SPATC1L: variants seen among roughly 807,000 people sequenced by gnomAD.
SPATC1L encodes the protein speriolin-like protein.
In SPATC1L, 20 loss-of-function variants were observed where a neutral mutation model predicts 21.2. The ratio of observed to expected loss-of-function variants is 0.94; its 90% CI spans 0.66 to 1.37. The LOEUF (loss-of-function observed/expected upper bound fraction) is 1.37. SPATC1L is among the 40% of genes most tolerant of loss of function. The pLI is 0.00. For missense variants in SPATC1L, 499 were observed against 478.7 expected, an observed-to-expected ratio of 1.04 and a Z score of -0.40; for synonymous variants, 290 against 234.5, an observed-to-expected ratio of 1.24 and a Z score of -2.16.
chr21:46,175,611 T>C (rs989405759), intron 2 of SPATC1L, among the ~76,000 whole-genome samples: 17 of 152,028 alleles, frequency 1.1e-4, no homozygotes, highest in Non-Finnish European at 2.2e-4. Flanking sequence ...GAACTAGGAA[T>C]AAATGGAATC....
chr21:46,163,884 C>A (rs1376936409), intron 3 of SPATC1L, among the ~76,000 whole-genome samples: 1 of 152,182 alleles, frequency 6.6e-6, no homozygotes, highest in Non-Finnish European at 1.5e-5. Flanking sequence ...CACTAGGATT[C>A]TGATTGGGAT....
Position 46,161,682 on chromosome 21 carries a change from G to A in SPATC1L, c.720C>T (p.Gly240=). The A allele has an allele frequency of 1.9e-6, 3 of 1,604,230 alleles. No homozygotes were observed. The highest frequency in any genetic ancestry group is 4.5e-5 in the East Asian group (2 of 44,638). The change falls in exon 5 of 5, where the codon GGC becomes GGT. Residue 240 remains glycine, a synonymous_variant. Transcript: ENST00000291672. ...IEQTSTKSLD[G]SVDERKLREL... ...CGCGCAGCTTCCTCTCGTCCACGGA[G>A]CCGTCCAGAGACTTGGTGGAGGTCT...
At chr21:46,178,309 G>A (rs11909847) in intron 2 of SPATC1L, among the ~76,000 whole-genome samples, 40,856 of 148,792 alleles carry the variant, frequency 0.27, 6,841 homozygotes, top group African/African-American at 0.46. Flanking sequence ...GGAGGCTATT[G>A]TCCTCAGCAA....
Position 46,172,100 on chromosome 21 carries a change from G to GAGCAT in SPATC1L, c.194-3443_194-3442insATGCT, listed in dbSNP as rs1455552658. On this transcript the variant is annotated intron_variant, in intron 2 of 4. Transcript: ENST00000291672. Reference sequence around the variant, plus strand: ...CGGGGGATGCACAGAGCATGAGGCAGGAGTGCAGAGCATGAGGCGGGGGAT... The same window carrying GAGCAT: ...CGGGGGATGCACAGAGCATGAGGCAGAGCATGAGTGCAGAGCATGAGGCGGGGGAT... Among the ~76,000 whole-genome samples the GAGCAT allele has an allele frequency of 1.5e-3, 95 of 64,698 alleles. 23 individuals carry two copies. The highest frequency in any genetic ancestry group is 2.6e-3 in the Non-Finnish European group (67 of 25,476). 42.4% of individuals were successfully genotyped at this position (64,698 alleles called of 152,430 possible).
chr21:46,168,565 A>G lies in SPATC1L; in HGVS notation c.287T>C (p.Leu96Pro). ...LEDLLCSHAP[L>P]SSEDDTSPGC... ...CGGGGAGGTGTCGTCCTCGCTGGAC[A>G]GGGGGGCATGTGAGCACAGCAGGTC... Residue 96 changes from leucine to proline, a missense_variant, in exon 3 of 5, where the codon CTG becomes CCG. Physicochemically the swap from Leu to Pro is moderately conservative, Grantham distance 98 (BLOSUM62 -3). Coordinates refer to ENST00000291672, the MANE Select transcript of SPATC1L (RefSeq NM_001142854.2). The G allele has an allele frequency of 6.7e-7, 1 of 1,486,006 alleles. No homozygotes were observed. The highest frequency in any genetic ancestry group is 9.1e-7 in the Non-Finnish European group (1 of 1,103,150). The allele number at this position is 1,486,006 out of a possible 1,614,324, so 92.1% of individuals were successfully genotyped here.
At chr21:46,166,336 A>G (rs2123623954) in intron 3 of SPATC1L, among the ~76,000 whole-genome samples, 1 of 152,064 alleles carries the variant, frequency 6.6e-6, no homozygotes, top group East Asian at 1.9e-4. Flanking sequence ...ACTGCACTCC[A>G]GCCTGGGCAT....
rs372429503 is a variant in SPATC1L at position 46,161,923 on chromosome 21, A to G, written c.689T>C (p.Ile230Thr). The change falls in exon 4 of 5, where the codon ATC becomes ACC. Residue 230 changes from isoleucine to threonine, a missense_variant. By Grantham distance (89) the Ile-to-Thr change is moderately conservative. Transcript: ENST00000291672. Reference protein sequence around the residue: ...GFTVANIPEKIEQTSTKSLDG... With the variant: ...GFTVANIPEKTEQTSTKSLDG... ...CCTCCCCACGGGGCGCACCTGCTCG[A>G]TCTTCTCGGGGATGTTGGCCACCGT... 42 of 1,606,310 alleles carry G rather than the reference A, an allele frequency of 2.6e-5. No individual in the cohort carries two copies. The highest frequency in any genetic ancestry group is 3.4e-5 in the Non-Finnish European group (40 of 1,179,282).
intron 2 of SPATC1L, among the ~76,000 whole-genome samples, chr21:46,170,456 G>A (rs11702355): frequency 0.14 from 3,218 of 22,254 alleles, no homozygotes; most frequent in Admixed American, 0.24. Flanking sequence ...TGCTCTGTGA[G>A]CATCCTCTGT....
chr21:46,184,261 G>A (rs922585195), intron 1 of SPATC1L, 95 bp downstream of exon 1: 1 of 153,374 alleles, frequency 6.5e-6, no homozygotes, highest in Admixed American at 6.5e-5. Context: ...GCGGCTCATG[G>A]GGCCCTGCTA....
intron 4 of SPATC1L, 103 bp from the exon 5 acceptor site, chr21:46,161,808 G>C (rs1176200350): frequency 6.7e-6 from 10 of 1,503,036 alleles, no homozygotes; most frequent in Non-Finnish European, 8.9e-6. Flanking sequence ...GGTCCCCGGG[G>C]TCCCCTCCTG....
rs1401454775 is a variant in SPATC1L at position 46,161,367 on chromosome 21, G to A, written c.*12C>T. On this transcript the variant is annotated 3_prime_UTR_variant, in exon 5 of 5. Coordinates refer to ENST00000291672, the MANE Select transcript of SPATC1L (RefSeq NM_001142854.2). ...GCGTTTACTGCAGGCAAGGCGGCGG[G>A]CGCGGGGCGGCTCACCAGGCGAAGA... 5.3e-6 allele frequency: 8 copies of A among 1,502,986 alleles called. No individual in the cohort carries two copies. In the African/African-American group the frequency reaches 7.0e-5, roughly 13 times the overall value. 93.1% of individuals were successfully genotyped at this position (1,502,986 alleles called of 1,614,324 possible).
At chr21:46,181,093 G>A (rs1299864223) in intron 2 of SPATC1L, among the ~76,000 whole-genome samples, 1 of 152,224 alleles carries the variant, frequency 6.6e-6, no homozygotes, top group African/African-American at 2.4e-5. Context: ...CCTTCTTGAG[G>A]AGGAGGACAG....
intron 3 of SPATC1L, among the ~76,000 whole-genome samples, chr21:46,164,446 T>A (rs531533642): frequency 1.4e-4 from 21 of 152,232 alleles, no homozygotes; most frequent in South Asian, 6.2e-4. Flanking sequence ...ATGAGGGGTG[T>A]GGAAGAGCAG....
chr21:46,164,746 C>G (rs1256413299), intron 3 of SPATC1L, among the ~76,000 whole-genome samples: 1 of 147,710 alleles, frequency 6.8e-6, no homozygotes, highest in Non-Finnish European at 1.5e-5. Context: ...GAGCCGAGAT[C>G]GCACCACTGC....
Position 46,168,565 on chromosome 21 carries a change from A to T in SPATC1L, c.287T>A (p.Leu96Gln). ...LEDLLCSHAP[L>Q]SSEDDTSPGC... ...CGGGGAGGTGTCGTCCTCGCTGGAC[A>T]GGGGGGCATGTGAGCACAGCAGGTC... Residue 96 changes from leucine (L) to glutamine (Q), a missense_variant, in exon 3 of 5, where the codon CTG (leucine) becomes CAG (glutamine). Physicochemically the swap from Leu to Gln is moderately radical, Grantham distance 113. Transcript: ENST00000291672. The T allele has an allele frequency of 6.7e-7, 1 of 1,486,006 alleles. No homozygotes were observed. The highest frequency in any genetic ancestry group is 9.1e-7 in the Non-Finnish European group (1 of 1,103,150). The allele number at this position is 1,486,006 out of a possible 1,614,324, so 92.1% of individuals were successfully genotyped here.
At chr21:46,174,274 A>G (rs2079612845) in intron 2 of SPATC1L, among the ~76,000 whole-genome samples, 1 of 149,626 alleles carries the variant, frequency 6.7e-6, no homozygotes, top group Non-Finnish European at 1.5e-5. Context: ...GGTTGCAGTG[A>G]GCCGAGATTG....
At chr21:46,182,457 G>T (rs2079681847) in intron 2 of SPATC1L, among the ~76,000 whole-genome samples, 167 bp downstream of exon 2, 1 of 152,210 alleles carries the variant, frequency 6.6e-6, no homozygotes, top group Non-Finnish European at 1.5e-5. Context: ...TCACCTGAGG[G>T]CAACAGCAGA....
intron 3 of SPATC1L, among the ~76,000 whole-genome samples, chr21:46,164,005 G>A (rs963619441): frequency 6.6e-6 from 1 of 151,912 alleles, no homozygotes; most frequent in Non-Finnish European, 1.5e-5. Context: ...TTTATTTATT[G>A]TTTGTTTGTT....
Position 46,161,417 on chromosome 21 carries a change from G to A in SPATC1L, c.985C>T (p.Leu329Phe), listed in dbSNP as rs1316507945. 1.9e-6 allele frequency: 3 copies of A among 1,558,584 alleles called. No individual in the cohort carries two copies. The African/African-American group carries it at 4.0e-5, about 21-fold the overall frequency. Reference protein sequence around the residue: ...SLLLLNCLCELSKEDGKPLFA... With the variant: ...SLLLLNCLCEFSKEDGKPLFA... ...AGGGGCTTGCCGTCCTCCTTGGAGA[G>A]CTCGCACAGGCAGTTGAGCAGCAGC... The change falls in exon 5 of 5, where the codon CTC becomes TTC. Residue 329 changes from leucine (L) to phenylalanine (F), a missense_variant. Transcript: ENST00000291672.
Sources: allele counts gnomAD v4.1 joint callset (sites outside exome capture counted in the v4.1 genomes callset), GRCh38; gene constraint gnomAD v4.1.1; transcripts MANE v1.5; gene names NCBI Gene and HGNC (gene_info 2026-07-23, HGNC 2026-07-21).